KCNB2: variants seen among roughly 807,000 people sequenced by gnomAD.
KCNB2 encodes the protein potassium voltage-gated channel subfamily B member 2.
In KCNB2, 15 loss-of-function variants were observed where a neutral mutation model predicts 61.5. The ratio of observed to expected loss-of-function variants is 0.24; its 90% CI spans 0.16 to 0.38. The LOEUF is 0.38. Ranked by LOEUF, KCNB2 falls within the 10% of genes least tolerant of loss-of-function variation. The probability of loss-of-function intolerance (pLI) is 1.00; values close to 1 mark genes in which losing one functional copy is unlikely to be tolerated. For missense variants in KCNB2, 828 were observed against 1,125.2 expected (o/e 0.74, Z 3.78); for synonymous variants, 457 against 446.0 (o/e 1.02, Z -0.31).
chr8:72,559,007 C>G (rs1313443857), intron 1 of KCNB2, among the ~76,000 whole-genome samples: 1 of 150,334 alleles, frequency 6.7e-6, no homozygotes, highest in Non-Finnish European at 1.5e-5. Context: ...GGATCTACAA[C>G]AGAGAGAGAG....
rs142469711 is a variant in KCNB2, at chr8:72,780,354, A to G, written c.580-155581A>G. 3.1e-3 allele frequency among the ~76,000 whole-genome samples: 471 copies of G among 152,270 alleles called. 1 individual carries two copies. The highest frequency in any genetic ancestry group is 9.3e-3 in the African/African-American group (387 of 41,556). The stretch of plus-strand genomic sequence containing the variant: ...GCATTATTCCTCTTCTATTTCCTCT[A>G]TCAAATAAGTGCAAATATCATTTAG... On this transcript the variant is annotated intron_variant, in intron 2 of 2. Transcript: ENST00000523207.
At chr8:72,742,308 T>C (rs1807973661) in intron 2 of KCNB2, among the ~76,000 whole-genome samples, 1 of 152,210 alleles carries the variant, frequency 6.6e-6, no homozygotes, top group Non-Finnish European at 1.5e-5. Context: ...TCAGCACAGG[T>C]CTGTAAAAAT....
At chr8:72,646,401 A>G (rs1806129400) in intron 2 of KCNB2, among the ~76,000 whole-genome samples, 1 of 152,162 alleles carries the variant, frequency 6.6e-6, no homozygotes, top group South Asian at 2.1e-4. Context: ...CCTCAAAACT[A>G]AACTCTTTCA....
chr8:72,654,336 G>A (rs941567441), intron 2 of KCNB2, among the ~76,000 whole-genome samples: 11 of 152,216 alleles, frequency 7.2e-5, no homozygotes, highest in Middle Eastern at 3.4e-3. Flanking sequence ...CAAATTATAA[G>A]CATTATCTTA....
In KCNB2 at chr8:72,806,558, T is replaced by C. The variant is rs547010717; in HGVS notation, c.580-129377T>C. 8.6e-5 allele frequency among the ~76,000 whole-genome samples: 13 copies of C among 151,428 alleles called. No individual in the cohort carries two copies. In the South Asian group the frequency reaches 2.7e-3, roughly 32 times the overall value. On this transcript the variant is annotated intron_variant, in intron 2 of 2. Transcript: ENST00000523207. ...TGAACCCGGGAGGCAGAGGTTGCAGTGAACTGAGATTGCACCACTGCACTC... is the reference window on the plus strand; with the variant it reads ...TGAACCCGGGAGGCAGAGGTTGCAGCGAACTGAGATTGCACCACTGCACTC...
At position 72,629,704 on chromosome 8, in the gene KCNB2, A is replaced by G. The variant is rs1041855658; in HGVS notation, c.579+61391A>G. Among the ~76,000 whole-genome samples the G allele has an allele frequency of 6.6e-5, 10 of 152,176 alleles. 1 individual carries two copies. Among genetic ancestry groups the G allele is most frequent in the Non-Finnish European group, 1.5e-4 (10 of 68,020 alleles). ...TTGGAGTGCTGTCACTAGAAGGGCAATGGGTTCTGGGTAAGCAAGAACAAC... is the reference window on the plus strand; with the variant it reads ...TTGGAGTGCTGTCACTAGAAGGGCAGTGGGTTCTGGGTAAGCAAGAACAAC... On this transcript the variant is annotated intron_variant, in intron 2 of 2. Transcript: ENST00000523207.
At chr8:72,788,066 G>A (rs1218562391) in intron 2 of KCNB2, among the ~76,000 whole-genome samples, 1 of 152,104 alleles carries the variant, frequency 6.6e-6, no homozygotes, top group African/African-American at 2.4e-5. Flanking sequence ...TTTGTAAAGA[G>A]GATTAAATAA....
At chr8:72,700,832 C>A (rs1028752545) in intron 2 of KCNB2, among the ~76,000 whole-genome samples, 1 of 152,108 alleles carries the variant, frequency 6.6e-6, no homozygotes, top group African/African-American at 2.4e-5. Context: ...ATGAAATCAA[C>A]CCGAGTGTCC....
At chr8:72,629,758 C>A (rs989373743) in intron 2 of KCNB2, among the ~76,000 whole-genome samples, 2 of 152,174 alleles carry the variant, frequency 1.3e-5, no homozygotes, top group Non-Finnish European at 2.9e-5. Flanking sequence ...CCTCCTAAGC[C>A]AGGCTCTGTG....
At chr8:72,919,276 G>T (rs918199305) in intron 2 of KCNB2, among the ~76,000 whole-genome samples, 9 of 152,114 alleles carry the variant, frequency 5.9e-5, no homozygotes, top group Non-Finnish European at 1.2e-4. Flanking sequence ...AGTTCCCATA[G>T]CCCTGCCCAC....
At chr8:72,885,662 A>G (rs1805793632) in intron 2 of KCNB2, among the ~76,000 whole-genome samples, 1 of 152,086 alleles carries the variant, frequency 6.6e-6, no homozygotes, top group Non-Finnish European at 1.5e-5. Context: ...TAATTTCTAT[A>G]TTATTTCTAT....
chr8:72,736,577 A>C (rs1476754042), intron 2 of KCNB2, among the ~76,000 whole-genome samples: 2 of 152,170 alleles, frequency 1.3e-5, no homozygotes, highest in East Asian at 3.8e-4. Flanking sequence ...TGAAGCAAAC[A>C]AAAGAAGAGT....
At chr8:72,780,337 C>T (rs1460504078) in intron 2 of KCNB2, among the ~76,000 whole-genome samples, 2 of 152,112 alleles carry the variant, frequency 1.3e-5, no homozygotes, top group Admixed American at 1.3e-4. Flanking sequence ...TTGCATTATT[C>T]CTCTTCTATT....
At chr8:72,684,272 C>G (rs2439336) in intron 2 of KCNB2, among the ~76,000 whole-genome samples, 1 of 152,164 alleles carries the variant, frequency 6.6e-6, no homozygotes, top group African/African-American at 2.4e-5. Context: ...TAAGGTGTAC[C>G]GTATCTGATT....
rs73308760 is a variant in KCNB2 at position 72,549,422 on chromosome 8, G to A, written c.-94+11537G>A. The stretch of plus-strand genomic sequence containing the variant: ...GAGTGCGAGAGCACAGAAAAGGCAC[G>A]ACCAGTTCTTAAACATCTTGACTCA... On this transcript the variant is annotated intron_variant, in intron 1 of 2. Coordinates refer to ENST00000523207, the MANE Select transcript of KCNB2 (RefSeq NM_004770.3). Among the ~76,000 whole-genome samples, 436 of 152,192 alleles carry A rather than the reference G, an allele frequency of 2.9e-3. 7 individuals are homozygous for A. Among genetic ancestry groups the A allele is most frequent in the African/African-American group, 9.8e-3 (405 of 41,520 alleles).
intron 2 of KCNB2, among the ~76,000 whole-genome samples, chr8:72,767,068 G>C (rs1290405329): frequency 6.6e-6 from 1 of 152,056 alleles, no homozygotes; most frequent in Non-Finnish European, 1.5e-5. Context: ...AGAATAGCAT[G>C]GGAAAAACCA....
In KCNB2 at chr8:72,920,475, A is replaced by ATATATATATATATATGTGTG. The variant is rs1554544461; in HGVS notation, c.580-15447_580-15446insATGTGTGTATATATATATAT. 4.5e-4 allele frequency among the ~76,000 whole-genome samples: 26 copies of ATATATATATATATATGTGTG among 58,340 alleles called. 4 individuals carry two copies. The highest frequency in any genetic ancestry group is 1.6e-3 in the South Asian group (3 of 1,838). 38.3% of individuals were successfully genotyped at this position (58,340 alleles called of 152,430 possible). On this transcript the variant is annotated intron_variant, in intron 2 of 2. Transcript: ENST00000523207. ...TATCTATCTATCTATCTATCTATCT[A>ATATATATATATATATGTGTG]TATATATATATATTAGCTGGCCATG...
Position 72,714,643 on chromosome 8 carries a change from G to A in KCNB2, c.579+146330G>A, listed in dbSNP as rs939552161. On this transcript the variant is annotated intron_variant, in intron 2 of 2. Coordinates refer to ENST00000523207, the MANE Select transcript of KCNB2 (RefSeq NM_004770.3). ...TTTGTCACCACCAGGCCTGCCCTAC[G>A]AGAGCTCCTGAAGTAAGCACTAAAC... 3.9e-4 allele frequency among the ~76,000 whole-genome samples: 59 copies of A among 152,186 alleles called. 1 individual carries two copies. Among genetic ancestry groups the A allele is most frequent in the South Asian group, 1.7e-3 (8 of 4,822 alleles).
chr8:72,848,466 A>C (rs1363295236), intron 2 of KCNB2, among the ~76,000 whole-genome samples: 1 of 152,152 alleles, frequency 6.6e-6, no homozygotes, highest in African/African-American at 2.4e-5. Context: ...GTAAAGAATA[A>C]TAATAAATAA....
Sources: gnomAD v4.1 joint callset for allele counts (sites outside exome capture counted in the v4.1 genomes callset) on GRCh38, gnomAD v4.1.1 for gene constraint, MANE v1.5 for transcripts, NCBI Gene and HGNC (gene_info 2026-07-23, HGNC 2026-07-21) for gene names.